Variants in GRID2 observed in about 807,000 individuals in gnomAD.
GRID2 encodes glutamate receptor ionotropic, delta-2.
GRID2 carries 33 observed loss-of-function variants against 114.8 expected under a neutral mutation model. The ratio of observed to expected loss-of-function variants is 0.29; its 90% confidence interval spans 0.22 to 0.38. GRID2 has a LOEUF of 0.38. GRID2 is among the 10% of genes least tolerant of loss of function. GRID2 has a pLI of 1.00. For missense variants in GRID2, 1,184 were observed against 1,257.7 expected (o/e 0.94, Z 0.89); for synonymous variants, 505 against 449.9 (o/e 1.12, Z -1.55).
chr4:93,750,677 AC>A (rs1482530093), intron 14 of GRID2, among the ~76,000 whole-genome samples: 5 of 152,040 alleles, frequency 3.3e-5, no homozygotes, highest in African/African-American at 1.2e-4. Context: ...AATGGCGTGA[AC>A]CCGGGAGGCA....
chr4:92,683,021 T>C (rs565124260), intron 2 of GRID2, among the ~76,000 whole-genome samples: 9 of 152,074 alleles, frequency 5.9e-5, no homozygotes, highest in South Asian at 2.1e-4. Flanking sequence ...GTTAATAGGC[T>C]AGGTGCGGTG....
At chr4:93,623,253 CCAAT>C (rs1294537972) in intron 13 of GRID2, among the ~76,000 whole-genome samples, 1 of 152,050 alleles carries the variant, frequency 6.6e-6, no homozygotes, top group Non-Finnish European at 1.5e-5. Context: ...GTTTGCTGCA[CCAAT>C]CAACCTGTCA....
At chr4:93,584,694 A>T (rs1259901494) in intron 13 of GRID2, among the ~76,000 whole-genome samples, 1 of 152,156 alleles carries the variant, frequency 6.6e-6, no homozygotes, top group Admixed American at 6.5e-5. Flanking sequence ...AAATGATGAT[A>T]CCATCCATTT....
At chr4:93,023,558 T>C (rs1466584931) in intron 2 of GRID2, among the ~76,000 whole-genome samples, 1 of 151,898 alleles carries the variant, frequency 6.6e-6, no homozygotes, top group African/African-American at 2.4e-5. Context: ...TTAAAATATG[T>C]AATTTTTAAA....
intron 2 of GRID2, among the ~76,000 whole-genome samples, chr4:92,922,918 C>A (rs570563182): frequency 1.3e-5 from 2 of 152,160 alleles, no homozygotes; most frequent in Non-Finnish European, 2.9e-5. Context: ...GGAGACACAA[C>A]GGAGGCTCTA....
intron 1 of GRID2, among the ~76,000 whole-genome samples, chr4:92,479,365 T>G (rs1185793900): frequency 6.6e-6 from 1 of 152,092 alleles, no homozygotes; most frequent in African/African-American, 2.4e-5. Flanking sequence ...ATAATAAAAT[T>G]TTACCTATTA....
chr4:93,578,578 GTTTTTTGTATTT>G (rs1326809490), intron 13 of GRID2, among the ~76,000 whole-genome samples: 6 of 129,856 alleles, frequency 4.6e-5, no homozygotes, highest in African/African-American at 1.9e-4. Flanking sequence ...ACCTTGTCTT[GTTTTTTGTATTT>G]TTTTTTTTTT....
At chr4:93,326,339 TC>T (rs1239725360) in intron 8 of GRID2, among the ~76,000 whole-genome samples, 1 of 152,138 alleles carries the variant, frequency 6.6e-6, no homozygotes, top group African/African-American at 2.4e-5. Context: ...GAAGCTAGTT[TC>T]TAGACATTTA....
At chr4:93,228,558 A>C (rs1449591946) in intron 7 of GRID2, among the ~76,000 whole-genome samples, 1 of 152,178 alleles carries the variant, frequency 6.6e-6, no homozygotes, top group Non-Finnish European at 1.5e-5. Context: ...TATCAACAAA[A>C]GTACTTGAGA....
At chr4:92,733,912 G>T (rs1736456305) in intron 2 of GRID2, among the ~76,000 whole-genome samples, 1 of 151,986 alleles carries the variant, frequency 6.6e-6, no homozygotes, top group African/African-American at 2.4e-5. Context: ...ATTCTTCAGA[G>T]GAGCAGGGAG....
chr4:93,619,658 T>TAG (rs577524349), intron 13 of GRID2, among the ~76,000 whole-genome samples: 44 of 152,210 alleles, frequency 2.9e-4, no homozygotes, highest in Non-Finnish European at 5.9e-5. Flanking sequence ...CAGAAATGCT[T>TAG]AGAGAGCAAT....
rs185558815 is a variant in GRID2 at position 92,993,397 on chromosome 4, C to T, written c.245-91598C>T. Among the ~76,000 whole-genome samples, 26 of 151,996 alleles carry T rather than the reference C, an allele frequency of 1.7e-4. No individual in the cohort carries two copies. In the South Asian group the frequency reaches 3.7e-3, roughly 22 times the overall value. On this transcript the variant is annotated intron_variant, in intron 2 of 15. Coordinates refer to ENST00000282020, the MANE Select transcript of GRID2 (RefSeq NM_001510.4). ...TGAACTTTATGTGTGCTTGTCCCTA[C>T]TTACCTCACCTCTGTTTCTTACCCA... is the stretch of plus-strand genomic sequence containing the variant.
intron 13 of GRID2, among the ~76,000 whole-genome samples, chr4:93,577,237 A>G (rs897066039): frequency 6.6e-6 from 1 of 152,000 alleles, no homozygotes; most frequent in African/African-American, 2.4e-5. Context: ...TCAAAGTACA[A>G]TTATGGATTT....
chr4:92,920,942 T>C (rs866893552), intron 2 of GRID2, among the ~76,000 whole-genome samples: 2 of 152,210 alleles, frequency 1.3e-5, no homozygotes, highest in Non-Finnish European at 2.9e-5. Flanking sequence ...CTGCAGAGTG[T>C]TTTCCAACTT....
intron 1 of GRID2, among the ~76,000 whole-genome samples, chr4:92,472,386 T>G (rs1479337233): frequency 6.6e-6 from 1 of 152,174 alleles, no homozygotes; most frequent in African/African-American, 2.4e-5. Context: ...AGAGCTGCTA[T>G]GAACATTTAC....
At chr4:92,371,101 G>A (rs568090482) in intron 1 of GRID2, among the ~76,000 whole-genome samples, 3 of 152,246 alleles carry the variant, frequency 2.0e-5, no homozygotes, top group Admixed American at 6.5e-5. Context: ...AGAGAGATAA[G>A]GAAGCTGTAG....
intron 1 of GRID2, among the ~76,000 whole-genome samples, chr4:92,429,811 G>A (rs1419996377): frequency 1.3e-5 from 2 of 152,122 alleles, no homozygotes; most frequent in African/African-American, 4.8e-5. Flanking sequence ...GGAGGGAGAT[G>A]ATAGATCATT....
intron 2 of GRID2, among the ~76,000 whole-genome samples, chr4:92,829,938 G>T (rs1741986868): frequency 6.6e-6 from 1 of 151,970 alleles, no homozygotes; most frequent in African/African-American, 2.4e-5. Flanking sequence ...GTCAGGGGTG[G>T]GGACAAGGGG....
intron 2 of GRID2, among the ~76,000 whole-genome samples, chr4:93,005,697 C>A (rs1255613524): frequency 6.6e-6 from 1 of 152,040 alleles, no homozygotes; most frequent in African/African-American, 2.4e-5. Context: ...TATATACATG[C>A]AATGGAATAG....
Sources: allele counts gnomAD v4.1 joint callset (sites outside exome capture counted in the v4.1 genomes callset), GRCh38; gene constraint gnomAD v4.1.1; transcripts MANE v1.5; gene names NCBI Gene and HGNC (gene_info 2026-07-23, HGNC 2026-07-21).